The following CFAP58 variants were observed in gnomAD, a reference collection of about 807,000 sequenced individuals.
CFAP58 encodes cilia- and flagella-associated protein 58.
A neutral mutation model predicts 119.5 loss-of-function variants in CFAP58; 88 were observed. The ratio of observed to expected loss-of-function variants is 0.74; its 90% CI spans 0.62 to 0.88. The LOEUF is 0.88. Among genes scored for constraint, CFAP58 ranks in the 40% least tolerant of loss-of-function variants. The pLI, the probability that CFAP58 is intolerant of heterozygous loss-of-function variation, is 0.00. For missense variants in CFAP58, 990 were observed against 1,021.2 expected (o/e 0.97, Z 0.42); for synonymous variants, 365 against 366.3 (o/e 1.00, Z 0.04).
intron 1 of CFAP58, among the ~76,000 whole-genome samples, chr10:104,356,238 T>G (rs1053803252): frequency 2.0e-5 from 3 of 152,204 alleles, no homozygotes; most frequent in Non-Finnish European, 2.9e-5. Flanking sequence ...CAAAGACTGT[T>G]TTGCTTGCAT....
Position 104,406,689 on chromosome 10 carries a change from G to A in CFAP58, c.2152G>A (p.Ala718Thr). 1 of 1,613,974 alleles carries A rather than the reference G, an allele frequency of 6.2e-7. No homozygotes were observed. The highest frequency in any genetic ancestry group is 8.5e-7 in the Non-Finnish European group (1 of 1,179,864). ...TGCTATTGTTGTTCCCCTTGGACAG[G>A]CCAGCGACCCCAATGCATATGAGCT... ...LNVHRWRKLE[A>T]SDPNAYELIQ... is the part of the protein sequence containing the mutation. The change falls in exon 15 of 18, where the codon GCC becomes ACC. Residue 718 changes from alanine to threonine, a missense_variant and splice_region_variant. Coordinates refer to ENST00000369704, the MANE Select transcript of CFAP58 (RefSeq NM_001008723.2).
chr10:104,431,341 T>A (rs940436246), intron 15 of CFAP58, among the ~76,000 whole-genome samples: 3 of 152,190 alleles, frequency 2.0e-5, no homozygotes, highest in African/African-American at 7.2e-5. Flanking sequence ...TATAATAAAG[T>A]ACATACAAGA....
chr10:104,391,334 C>T (rs935977089), intron 9 of CFAP58, among the ~76,000 whole-genome samples: 1 of 152,156 alleles, frequency 6.6e-6, no homozygotes, highest in Non-Finnish European at 1.5e-5. Context: ...CATGCTCTGT[C>T]ACATTGCTCT....
At chr10:104,369,882 G>A (rs998794590) in intron 6 of CFAP58, among the ~76,000 whole-genome samples, 1 of 152,136 alleles carries the variant, frequency 6.6e-6, no homozygotes, top group Non-Finnish European at 1.5e-5. Context: ...TTAAAAAAGT[G>A]AATTTAATTA....
upstream of CFAP58, among the ~76,000 whole-genome samples, chr10:104,350,361 C>T (rs988055637): frequency 7.2e-5 from 11 of 152,212 alleles, no homozygotes; most frequent in South Asian, 2.1e-4. Context: ...ATAATGCCAC[C>T]TAGTGATTCT....
intron 9 of CFAP58, among the ~76,000 whole-genome samples, chr10:104,388,475 A>C (rs569727642): frequency 6.6e-6 from 1 of 152,292 alleles, no homozygotes; most frequent in African/African-American, 2.4e-5. Flanking sequence ...CTCTAAATTC[A>C]AGATAGAGGG....
intron 9 of CFAP58, among the ~76,000 whole-genome samples, chr10:104,382,742 T>G (rs2011839349): frequency 6.6e-6 from 1 of 152,196 alleles, no homozygotes; most frequent in Non-Finnish European, 1.5e-5. Context: ...CTTCATTCTT[T>G]TCTTTCCTGG....
At chr10:104,415,867 CATG>C (rs1216182253) in intron 15 of CFAP58, among the ~76,000 whole-genome samples, 1 of 152,232 alleles carries the variant, frequency 6.6e-6, no homozygotes, top group Admixed American at 6.5e-5. Flanking sequence ...AACCAGATGA[CATG>C]ATGATACTGT....
rs200619709 is a variant in CFAP58 at position 104,380,213 on chromosome 10, C to T, written c.1358C>T (p.Thr453Met). 1.4e-5 allele frequency: 22 copies of T among 1,613,312 alleles called. No individual in the cohort carries two copies. In the East Asian group the frequency reaches 2.2e-4, roughly 16 times the overall value. ...TACATCAACCAAGCCAGTGACCTTA[C>T]GCAAAAGGTAAGCTGCTCAGTGATG... is the stretch of plus-strand genomic sequence containing the variant. ...DRYINQASDL[T>M]QKVLMNMEDI... is the part of the protein sequence containing the mutation. Residue 453 changes from threonine (T) to methionine (M), a missense_variant, in exon 9 of 18, where the codon ACG (threonine) becomes ATG (methionine). Coordinates refer to ENST00000369704, the MANE Select transcript of CFAP58 (RefSeq NM_001008723.2).
chr10:104,382,102 T>G, intron 9 of CFAP58: 1 of 717,436 alleles, frequency 1.4e-6, no homozygotes, highest in East Asian at 2.7e-5. Flanking sequence ...GCTGCATCCC[T>G]CCTTTTTGTC....
chr10:104,342,692 A>C, the CFAP58 span, among the ~76,000 whole-genome samples: 109 of 150,812 alleles, frequency 7.2e-4, 1 homozygote, highest in African/African-American at 2.6e-3. Flanking sequence ...AAAAAATACA[A>C]AAATTAGCCA....
At chr10:104,399,648 A>T in intron 12 of CFAP58, 148 bp downstream of exon 12, 1 of 828,532 alleles carries the variant, frequency 1.2e-6, no homozygotes, top group Non-Finnish European at 1.8e-6. Context: ...TTGATTAATT[A>T]TGAAATATTC....
At chr10:104,417,795 G>A (rs548560648) in intron 15 of CFAP58, among the ~76,000 whole-genome samples, 26 of 152,200 alleles carry the variant, frequency 1.7e-4, no homozygotes, top group Admixed American at 3.3e-4. Flanking sequence ...TAATGCTGCT[G>A]TTGTTTCATT....
rs77232815 is a variant in CFAP58, at chr10:104,387,769, C to T, written c.1366-4464C>T. On this transcript the variant is annotated intron_variant, in intron 9 of 17. Transcript: ENST00000369704. ...AACATTTTTCACATGATGCACTTGC[C>T]TCATTTTAGGATCTCCCTCTTTTTT... is the stretch of plus-strand genomic sequence containing the variant. Among the ~76,000 whole-genome samples the T allele has an allele frequency of 3.7e-3, 567 of 152,238 alleles. 1 individual carries two copies. The highest frequency in any genetic ancestry group is 0.013 in the African/African-American group (541 of 41,522).
intron 15 of CFAP58, among the ~76,000 whole-genome samples, chr10:104,441,366 A>G (rs1163066304): frequency 1.3e-5 from 2 of 152,232 alleles, no homozygotes; most frequent in African/African-American, 4.8e-5. Flanking sequence ...CTAAATAAAT[A>G]CTTAGTTGAC....
chr10:104,393,716 A>C (rs1256804825), intron 11 of CFAP58, among the ~76,000 whole-genome samples: 1 of 152,186 alleles, frequency 6.6e-6, no homozygotes, highest in East Asian at 1.9e-4. Context: ...GTGGAGATGC[A>C]AACACACCCC....
intron 11 of CFAP58, 67 bp from the exon 12 acceptor site, chr10:104,399,293 G>T (rs974226543): frequency 6.4e-7 from 1 of 1,550,954 alleles, no homozygotes; most frequent in Non-Finnish European, 8.8e-7. Flanking sequence ...ATCTGAATCC[G>T]GGCCCTGTCG....
chr10:104,395,671 G>A (rs940922180), intron 11 of CFAP58, among the ~76,000 whole-genome samples: 1 of 152,166 alleles, frequency 6.6e-6, no homozygotes, highest in Admixed American at 6.5e-5. Context: ...ATTTCACACA[G>A]GTCCCTGGAT....
intron 15 of CFAP58, among the ~76,000 whole-genome samples, chr10:104,407,838 A>G (rs2012390960): frequency 6.6e-6 from 1 of 152,122 alleles, no homozygotes; most frequent in Admixed American, 6.5e-5. Context: ...CTGGGGTTAC[A>G]GGTGTGTGCC....
Sources: allele counts gnomAD v4.1 joint callset (sites outside exome capture counted in the v4.1 genomes callset), GRCh38; gene constraint gnomAD v4.1.1; transcripts MANE v1.5; gene names NCBI Gene and HGNC (gene_info 2026-07-23, HGNC 2026-07-21).